KCNT2: variants seen among roughly 807,000 people sequenced by gnomAD.
KCNT2 encodes potassium sodium-activated channel subfamily T member 2.
In KCNT2, 67 loss-of-function variants were observed where a neutral mutation model predicts 153.8. That is an observed-to-expected ratio of 0.44 (90% CI 0.36 to 0.53). The LOEUF (loss-of-function observed/expected upper bound fraction) is 0.53. Among genes scored for constraint, KCNT2 ranks in the 20% least tolerant of loss-of-function variants. KCNT2 has a pLI of 0.00. For missense variants in KCNT2, 975 were observed against 1,354.8 expected (o/e 0.72, Z 4.40); for synonymous variants, 500 against 458.8 (o/e 1.09, Z -1.15).
chr1:196,470,309 G>T (rs968108823), intron 5 of KCNT2, among the ~76,000 whole-genome samples: 1 of 151,780 alleles, frequency 6.6e-6, no homozygotes, highest in African/African-American at 2.4e-5. Context: ...AAACTGAAGA[G>T]ATCAAAGAAA....
At chr1:196,253,788 C>T (rs1463417384) in intron 26 of KCNT2, among the ~76,000 whole-genome samples, 1 of 151,440 alleles carries the variant, frequency 6.6e-6, no homozygotes, top group African/African-American at 2.4e-5. Flanking sequence ...TATACTCAAC[C>T]ACTCAACCCA....
chr1:196,360,855 C>T (rs1472876605), intron 14 of KCNT2, among the ~76,000 whole-genome samples: 2 of 151,964 alleles, frequency 1.3e-5, no homozygotes, highest in East Asian at 3.9e-4. Flanking sequence ...TATGGCAGCA[C>T]TAGCAAACGA....
At chr1:196,547,760 A>AT (rs1657303105) in intron 1 of KCNT2, among the ~76,000 whole-genome samples, 1 of 151,774 alleles carries the variant, frequency 6.6e-6, no homozygotes, top group African/African-American at 2.4e-5. Context: ...ATTTTTCTGT[A>AT]TTTTTTATTT....
At chr1:196,350,035 A>G (rs1454417363) in intron 14 of KCNT2, among the ~76,000 whole-genome samples, 1 of 152,068 alleles carries the variant, frequency 6.6e-6, no homozygotes, top group Non-Finnish European at 1.5e-5. Flanking sequence ...AAGAACATGA[A>G]CTCATCATTT....
intron 5 of KCNT2, among the ~76,000 whole-genome samples, chr1:196,473,943 GAAGGAGATA>G (rs1678308342): frequency 5.9e-5 from 9 of 152,114 alleles, no homozygotes; most frequent in Admixed American, 5.2e-4. Flanking sequence ...TTATTTTCAT[GAAGGAGATA>G]AAAAGCATTA....
chr1:196,601,807 T>A (rs1395398012), intron 1 of KCNT2, among the ~76,000 whole-genome samples: 1 of 152,186 alleles, frequency 6.6e-6, no homozygotes, highest in Non-Finnish European at 1.5e-5. Context: ...TATTCCTAAA[T>A]ATTTTATCTA....
intron 1 of KCNT2, among the ~76,000 whole-genome samples, chr1:196,510,399 G>A (rs1681513995): frequency 6.6e-6 from 1 of 152,066 alleles, no homozygotes; most frequent in Admixed American, 6.6e-5. Context: ...GCTCCAGGCA[G>A]TCTAAGCCTG....
intron 1 of KCNT2, among the ~76,000 whole-genome samples, chr1:196,575,761 T>C (rs1413046899): frequency 6.6e-6 from 1 of 151,698 alleles, no homozygotes; most frequent in Non-Finnish European, 1.5e-5. Flanking sequence ...GCGGATCACC[T>C]GAGGTCAGGA....
chr1:196,508,417 A>G (rs1404115148), intron 1 of KCNT2, among the ~76,000 whole-genome samples: 2 of 152,138 alleles, frequency 1.3e-5, no homozygotes, highest in African/African-American at 4.8e-5. Context: ...TAGGAAGATA[A>G]GAGTATAAAC....
chr1:196,305,196 T>C lies in KCNT2; in HGVS notation c.2595+38A>G, dbSNP rs754794976. 1.9e-5 allele frequency: 22 copies of C among 1,148,076 alleles called. 1 individual carries two copies. The highest frequency in any genetic ancestry group is 2.0e-4 in the Middle Eastern group (1 of 5,128). 71.1% of individuals were successfully genotyped at this position (1,148,076 alleles called of 1,614,324 possible). A position where few individuals can be genotyped will look rare whatever the true frequency, so the allele number is the denominator to read the frequency against. On this transcript the variant is annotated intron_variant, in intron 22 of 27. Transcript: ENST00000294725. ...TACAGAGTTAATTTCTGAATAAAGATGGTTAAATCTAATTTACTTGATAAT... is the reference window on the plus strand; with the variant it reads ...TACAGAGTTAATTTCTGAATAAAGACGGTTAAATCTAATTTACTTGATAAT...
Position 196,546,259 on chromosome 1 carries a change from A to C in KCNT2, c.96-53918T>G, listed in dbSNP as rs114128603. 4.8e-3 allele frequency among the ~76,000 whole-genome samples: 738 copies of C among 152,238 alleles called. 3 individuals carry two copies. The highest frequency in any genetic ancestry group is 0.016 in the African/African-American group (671 of 41,564). Reference sequence around the variant, plus strand: ...ATTTCTTGATGATGTACTTTGAAGCACAAAAGTTTTCAATTTTAAAGAAGC... The same window carrying C: ...ATTTCTTGATGATGTACTTTGAAGCCCAAAAGTTTTCAATTTTAAAGAAGC... On this transcript the variant is annotated intron_variant, in intron 1 of 27. Transcript: ENST00000294725.
chr1:196,564,618 T>A (rs1442225069), intron 1 of KCNT2, among the ~76,000 whole-genome samples: 1 of 151,594 alleles, frequency 6.6e-6, no homozygotes, highest in South Asian at 2.1e-4. Context: ...GCTATAGTAA[T>A]CAAAACAGCA....
At chr1:196,602,974 G>T (rs1664921191) in intron 1 of KCNT2, among the ~76,000 whole-genome samples, 1 of 150,732 alleles carries the variant, frequency 6.6e-6, no homozygotes, top group South Asian at 2.1e-4. Flanking sequence ...TTTTAGTAGA[G>T]ACGGGGTTTC....
intron 25 of KCNT2, among the ~76,000 whole-genome samples, chr1:196,276,327 A>G (rs1658565407): frequency 6.6e-6 from 1 of 152,062 alleles, no homozygotes; most frequent in African/African-American, 2.4e-5. Context: ...TAACGATGTT[A>G]TATTCCTAAG....
At chr1:196,342,357 T>A (rs1665724506) in intron 14 of KCNT2, 129 bp from the exon 15 acceptor site, 1 of 603,934 alleles carries the variant, frequency 1.7e-6, no homozygotes, top group Admixed American at 4.1e-5. Flanking sequence ...AAGGAGCATC[T>A]GAGTAATGCT....
chr1:196,455,867 T>C (rs2148634485), intron 8 of KCNT2, among the ~76,000 whole-genome samples: 1 of 152,144 alleles, frequency 6.6e-6, no homozygotes, highest in African/African-American at 2.4e-5. Context: ...GACCCTGTTC[T>C]CAAATTTCCC....
intron 1 of KCNT2, among the ~76,000 whole-genome samples, chr1:196,548,689 T>G (rs1657459946): frequency 6.6e-6 from 1 of 152,060 alleles, no homozygotes; most frequent in South Asian, 2.1e-4. Flanking sequence ...CATGCTGCTA[T>G]AAAGACACAT....
chr1:196,348,788 G>T (rs1018616007), intron 14 of KCNT2, among the ~76,000 whole-genome samples: 2 of 152,120 alleles, frequency 1.3e-5, no homozygotes, highest in African/African-American at 4.8e-5. Context: ...CACTTTGGGA[G>T]GCTGAGGAGG....
At chr1:196,235,124 T>A (rs970671560) in intron 27 of KCNT2, among the ~76,000 whole-genome samples, 1 of 151,392 alleles carries the variant, frequency 6.6e-6, no homozygotes, top group Non-Finnish European at 1.5e-5. Flanking sequence ...CAAATATAAT[T>A]TATTTTTCCA....
Sources: gnomAD v4.1 joint callset for allele counts (sites outside exome capture counted in the v4.1 genomes callset) on GRCh38, gnomAD v4.1.1 for gene constraint, MANE v1.5 for transcripts, NCBI Gene and HGNC (gene_info 2026-07-23, HGNC 2026-07-21) for gene names.